CDK14: variants seen among roughly 807,000 people sequenced by gnomAD.
CDK14 encodes the protein cyclin dependent kinase 14.
A neutral mutation model predicts 60.7 loss-of-function variants in CDK14; 34 were observed. The ratio of observed to expected loss-of-function variants is 0.56; its 90% CI spans 0.43 to 0.75. CDK14 has a LOEUF of 0.75. Among genes scored for constraint, CDK14 ranks in the 30% least tolerant of loss-of-function variants. The probability of loss-of-function intolerance (pLI) is 0.00; values close to 1 mark genes in which losing one functional copy is unlikely to be tolerated. For missense variants in CDK14, 482 were observed against 564.1 expected (o/e 0.85, Z 1.47); for synonymous variants, 197 against 203.7 (o/e 0.97, Z 0.28).
intron 4 of CDK14, among the ~76,000 whole-genome samples, chr7:90,767,061 G>C (rs1804595597): frequency 6.6e-6 from 1 of 152,076 alleles, no homozygotes; most frequent in Non-Finnish European, 1.5e-5. Flanking sequence ...TTTTTCTCTA[G>C]GTGCAATAGC....
At chr7:90,657,129 C>T (rs1385711903) in intron 2 of CDK14, among the ~76,000 whole-genome samples, 1 of 152,030 alleles carries the variant, frequency 6.6e-6, no homozygotes, top group Non-Finnish European at 1.5e-5. Context: ...ACTCCTTCTC[C>T]CTTTCATTTT....
intron 3 of CDK14, among the ~76,000 whole-genome samples, chr7:90,742,078 G>T (rs913765640): frequency 6.6e-6 from 1 of 151,892 alleles, no homozygotes; most frequent in African/African-American, 2.4e-5. Context: ...TTGCTCCTAC[G>T]TTTGTGATAC....
At chr7:90,976,867 C>T (rs1295433072) in intron 9 of CDK14, among the ~76,000 whole-genome samples, 1 of 152,076 alleles carries the variant, frequency 6.6e-6, no homozygotes, top group African/African-American at 2.4e-5. Context: ...TATATAAAAA[C>T]TCAATTTAAG....
intron 1 of CDK14, 47 bp from the exon 2 acceptor site, chr7:90,604,171 T>C: frequency 1.5e-6 from 2 of 1,323,278 alleles, no homozygotes; most frequent in Non-Finnish European, 2.1e-6. Context: ...CTTAGTCTCT[T>C]TGGAATTTTT....
At chr7:90,799,372 A>G (rs1788546474) in intron 5 of CDK14, among the ~76,000 whole-genome samples, 1 of 152,138 alleles carries the variant, frequency 6.6e-6, no homozygotes, top group Non-Finnish European at 1.5e-5. Flanking sequence ...CCTAAGGTTA[A>G]CGCTAGCATG....
intron 6 of CDK14, among the ~76,000 whole-genome samples, chr7:90,875,466 C>T (rs1431317128): frequency 2.0e-5 from 3 of 152,110 alleles, no homozygotes; most frequent in Admixed American, 6.5e-5. Context: ...TTTTACAATC[C>T]AACCAGCAGT....
At chr7:91,033,041 A>G (rs749387532) in intron 10 of CDK14, among the ~76,000 whole-genome samples, 6 of 152,162 alleles carry the variant, frequency 3.9e-5, no homozygotes, top group African/African-American at 1.4e-4. Flanking sequence ...ATGGTGAGCA[A>G]TTTGGGCATG....
chr7:91,039,157 A>G (rs939848345), intron 10 of CDK14, among the ~76,000 whole-genome samples: 1 of 152,008 alleles, frequency 6.6e-6, no homozygotes, highest in Non-Finnish European at 1.5e-5. Context: ...TTAAGGCTTC[A>G]TTTTCTTCAA....
chr7:91,146,689 A>G (rs1800649448), intron 14 of CDK14, among the ~76,000 whole-genome samples: 2 of 152,250 alleles, frequency 1.3e-5, no homozygotes, highest in South Asian at 2.1e-4. Flanking sequence ...TTGACACAGC[A>G]AAGACATACA....
At chr7:90,801,188 G>A (rs1441365985) in intron 5 of CDK14, among the ~76,000 whole-genome samples, 2 of 152,070 alleles carry the variant, frequency 1.3e-5, no homozygotes, top group African/African-American at 4.8e-5. Context: ...TAATGGACTG[G>A]GACCTGCATT....
chr7:90,840,905 AT>A (rs1790266313), intron 5 of CDK14, among the ~76,000 whole-genome samples: 4 of 12,354 alleles, frequency 3.2e-4, no homozygotes, highest in Non-Finnish European at 6.0e-4. Context: ...TAACTTTTTC[AT>A]TGACATTGTG....
At chr7:90,789,659 A>AAT (rs1805744345) in intron 4 of CDK14, among the ~76,000 whole-genome samples, 1 of 152,170 alleles carries the variant, frequency 6.6e-6, no homozygotes, top group Non-Finnish European at 1.5e-5. Flanking sequence ...CATTTTGTGT[A>AAT]ATAGACTTAC....
chr7:90,681,485 A>G (rs1801316683), intron 2 of CDK14, among the ~76,000 whole-genome samples: 1 of 152,068 alleles, frequency 6.6e-6, no homozygotes, highest in Non-Finnish European at 1.5e-5. Flanking sequence ...CTGAGAACAT[A>G]CTGACTGGTG....
chr7:90,629,292 A>G lies in CDK14; in HGVS notation c.123+25043A>G, dbSNP rs142426986. Among the ~76,000 whole-genome samples the G allele has an allele frequency of 9.1e-3, 1,386 of 152,308 alleles. 13 individuals are homozygous for G. Among genetic ancestry groups the G allele is most frequent in the African/African-American group, 0.031 (1,278 of 41,558 alleles). ...ACCCCACCATCTAAATTAGCAGTTT[A>G]TAGCTTTCCTTCATGGCATTTATAG... On this transcript the variant is annotated intron_variant, in intron 2 of 14. Coordinates refer to ENST00000380050, the MANE Select transcript of CDK14 (RefSeq NM_001287135.2).
At chr7:90,880,662 T>TA (rs1791718129) in intron 6 of CDK14, among the ~76,000 whole-genome samples, 1 of 152,080 alleles carries the variant, frequency 6.6e-6, no homozygotes, top group Non-Finnish European at 1.5e-5. Flanking sequence ...AGACACCCTA[T>TA]ACAGGAGTGG....
At chr7:90,637,268 A>T (rs1800176307) in intron 2 of CDK14, among the ~76,000 whole-genome samples, 1 of 151,314 alleles carries the variant, frequency 6.6e-6, no homozygotes, top group African/African-American at 2.4e-5. Context: ...TCTTGTGGGC[A>T]TTTAGTGCTA....
chr7:91,206,520 T>C (rs1397397247), intron 14 of CDK14, among the ~76,000 whole-genome samples: 6 of 152,170 alleles, frequency 3.9e-5, no homozygotes, highest in Admixed American at 1.3e-4. Flanking sequence ...CAAAAGGAAG[T>C]ACGGAAAGGG....
intron 9 of CDK14, among the ~76,000 whole-genome samples, chr7:90,971,142 G>A (rs1193532711): frequency 1.4e-5 from 2 of 141,488 alleles, no homozygotes; most frequent in Non-Finnish European, 3.0e-5. Flanking sequence ...ACCTATGAGT[G>A]AGAACATGTG....
intron 4 of CDK14, among the ~76,000 whole-genome samples, chr7:90,764,301 CT>C (rs758844348): frequency 4.7e-4 from 72 of 152,278 alleles, no homozygotes; most frequent in Middle Eastern, 3.4e-3. Flanking sequence ...TGCCTTACTA[CT>C]CGTAACATAA....
Sources: gnomAD v4.1 joint callset for allele counts (sites outside exome capture counted in the v4.1 genomes callset) on GRCh38, gnomAD v4.1.1 for gene constraint, MANE v1.5 for transcripts, NCBI Gene and HGNC (gene_info 2026-07-23, HGNC 2026-07-21) for gene names.